Variants in TRA2B observed in about 807,000 individuals in gnomAD.
TRA2B encodes the protein transformer 2 beta homolog, also known as transformer-2 protein homolog beta.
In TRA2B, 14 loss-of-function variants were observed where a neutral mutation model predicts 41.7. That is an observed-to-expected ratio of 0.34 (90% confidence interval 0.22 to 0.53). The LOEUF is 0.53. Among genes scored for constraint, TRA2B ranks in the 20% least tolerant of loss-of-function variants. TRA2B has a pLI of 0.95. For missense variants in TRA2B, 167 were observed against 396.8 expected, an observed-to-expected ratio of 0.42 and a Z score of 4.92; for synonymous variants, 130 against 128.8, an observed-to-expected ratio of 1.01 and a Z score of -0.06.
intron 4 of TRA2B, chr3:185,923,567 T>G (rs1002411456): frequency 2.7e-6 from 1 of 366,110 alleles, no homozygotes; most frequent in Non-Finnish European, 4.9e-6. Context: ...GGAATTGGGG[T>G]ATAGTTGACC....
chr3:185,915,550 T>C lies in TRA2B; in HGVS notation c.*2165A>G, dbSNP rs1743472494. On this transcript the variant is annotated 3_prime_UTR_variant, in exon 9 of 9. Transcript: ENST00000453386. ...TCAAAAGACTACCACTTTGTCTCAC[T>C]ACTTCTCAGTCTATCTCAACTTGGT... Among the ~76,000 whole-genome samples, 1 of 152,214 alleles carries C rather than the reference T, an allele frequency of 6.6e-6. No homozygotes were observed. Among genetic ancestry groups the C allele is most frequent in the Non-Finnish European group, 1.5e-5 (1 of 68,022 alleles).
At chr3:185,920,585 C>T (rs114395274) in intron 6 of TRA2B, among the ~76,000 whole-genome samples, 5,257 of 151,824 alleles carry the variant, frequency 0.035, 281 homozygotes, top group African/African-American at 0.12. Flanking sequence ...TTGAGTCTCT[C>T]GCTCTGTTGC....
At chr3:185,928,449 AGAAAT>A (rs986211632) in intron 1 of TRA2B, 1 of 152,216 alleles carries the variant, frequency 6.6e-6, no homozygotes, top group Non-Finnish European at 1.5e-5. Context: ...TTTAACATCA[AGAAAT>A]GGTTAAAGGA....
At chr3:185,932,918 T>C (rs1744205398) in intron 1 of TRA2B, among the ~76,000 whole-genome samples, 1 of 152,192 alleles carries the variant, frequency 6.6e-6, no homozygotes, top group East Asian at 1.9e-4. Flanking sequence ...AAGACAACCA[T>C]CGTTAATCTG....
intron 1 of TRA2B, among the ~76,000 whole-genome samples, chr3:185,930,857 G>A (rs1744123518): frequency 6.6e-6 from 1 of 152,170 alleles, no homozygotes; most frequent in Non-Finnish European, 1.5e-5. Context: ...TGCCATTACT[G>A]CAATTTGTAT....
At chr3:185,923,572 T>C (rs1743823026) in intron 4 of TRA2B, 1 of 376,942 alleles carries the variant, frequency 2.7e-6, no homozygotes, top group African/African-American at 2.1e-5. Context: ...TGGGGTATAG[T>C]TGACCCCAAT....
At position 185,917,473 on chromosome 3, in the gene TRA2B, C is replaced by T. The variant is rs1743542351; in HGVS notation, c.*242G>A. The T allele has an allele frequency of 2.1e-6, 1 of 465,142 alleles. No homozygotes were observed. Among genetic ancestry groups the T allele is most frequent in the Non-Finnish European group, 3.9e-6 (1 of 258,202 alleles). The allele number at this position is 465,142 out of a possible 1,614,324, so 28.8% of individuals were successfully genotyped here. On this transcript the variant is annotated 3_prime_UTR_variant, in exon 9 of 9. Coordinates refer to ENST00000453386, the MANE Select transcript of TRA2B (RefSeq NM_004593.3). Reference sequence around the variant, plus strand: ...AACTTCTCAGCAGTCAAAATTTAGACTGTAAAAAAATACATGCAAAACATA... The same window carrying T: ...AACTTCTCAGCAGTCAAAATTTAGATTGTAAAAAAATACATGCAAAACATA...
intron 1 of TRA2B, chr3:185,935,112 A>C: frequency 1.0e-6 from 1 of 985,418 alleles, no homozygotes; most frequent in South Asian, 4.7e-5. Flanking sequence ...GCACTTCATC[A>C]ACTTTTTATT....
intron 5 of TRA2B, 72 bp from the exon 6 acceptor site, chr3:185,921,259 C>A: frequency 8.0e-7 from 1 of 1,254,520 alleles, no homozygotes; most frequent in Non-Finnish European, 1.2e-6. Context: ...TACTAGTAGG[C>A]CTTTTCTGAC....
At position 185,916,287 on chromosome 3, in the gene TRA2B, G is replaced by A. The variant is rs1377216070; in HGVS notation, c.*1428C>T. ...AGATCACCTAGGTTCAATTCAGATC[G>A]TGGCATTGCCACTTAAACAGCTATT... On this transcript the variant is annotated 3_prime_UTR_variant, in exon 9 of 9. Transcript: ENST00000453386. 1.3e-5 allele frequency: 2 copies of A among 152,182 alleles called. No individual in the cohort carries two copies. Among genetic ancestry groups the A allele is most frequent in the African/African-American group, 4.8e-5 (2 of 41,442 alleles). 9.4% of individuals were successfully genotyped at this position (152,182 alleles called of 1,614,324 possible). A position where few individuals can be genotyped will look rare whatever the true frequency, so the allele number is the denominator to read the frequency against.
intron 1 of TRA2B, chr3:185,928,245 C>A (rs1490901645): frequency 6.6e-6 from 1 of 152,288 alleles, no homozygotes; most frequent in South Asian, 2.1e-4. Flanking sequence ...AGGTTTAACA[C>A]AGAAGGAAAG....
intron 3 of TRA2B, chr3:185,924,740 AGGTAGAAGCT>A (rs1260058695): frequency 2.6e-5 from 4 of 152,326 alleles, no homozygotes; most frequent in Non-Finnish European, 5.9e-5. Flanking sequence ...TAAGCCTGCA[AGGTAGAAGCT>A]GCAGTAAGCT....
At position 185,925,525 on chromosome 3, in the gene TRA2B, C is replaced by G; in HGVS notation, c.272G>C (p.Arg91Pro). The change falls in exon 3 of 9, where the codon CGT becomes CCT. Residue 91 changes from arginine to proline, a missense_variant. Arg to Pro is a moderately radical substitution (Grantham distance 103, BLOSUM62 -2). Around this residue, in one of 5 missense-constraint regions of TRA2B, gnomAD observed 94 missense variants for 133.4 expected, o/e 0.70. Transcript: ENST00000453386. Reference protein sequence around the residue: ...SRSRSYSRDYRRRHSHSHSPM... With the variant: ...SRSRSYSRDYPRRHSHSHSPM... Reference sequence around the variant, plus strand: ...AGAATGGCTGTGGCTGTGCCGTCTACGATAATCTCGACTGTAAGACCTGCT... The same window carrying G: ...AGAATGGCTGTGGCTGTGCCGTCTAGGATAATCTCGACTGTAAGACCTGCT... 1 of 1,614,172 alleles carries G rather than the reference C, an allele frequency of 6.2e-7. No homozygotes were observed. The highest frequency in any genetic ancestry group is 8.5e-7 in the Non-Finnish European group (1 of 1,180,026).
chr3:185,921,030 T>G lies in TRA2B; in HGVS notation c.722+74A>C, dbSNP rs1432139433. On this transcript the variant is annotated intron_variant, in intron 6 of 8. Transcript: ENST00000453386. ...CTAAAGCAAAGCTTTTAACAAAGGC[T>G]AAAACTTAAGCATAGTGCTGCTCTG... is the stretch of plus-strand genomic sequence containing the variant. 6 of 1,337,378 alleles carry G rather than the reference T, an allele frequency of 4.5e-6. No homozygotes were observed. The African/African-American group carries it at 8.7e-5, about 19-fold the overall frequency. The allele number at this position is 1,337,378 out of a possible 1,614,324, so 82.8% of individuals were successfully genotyped here.
chr3:185,931,910 G>A, intron 1 of TRA2B: 3 of 1,199,128 alleles, frequency 2.5e-6, no homozygotes, highest in South Asian at 2.4e-5. Flanking sequence ...AAAATCCAGT[G>A]CCAAAACTGA....
intron 8 of TRA2B, 146 bp from the exon 9 acceptor site, chr3:185,917,871 TG>T: frequency 1.4e-6 from 1 of 731,316 alleles, no homozygotes; most frequent in Non-Finnish European, 2.3e-6. Flanking sequence ...AAGACTTCCA[TG>T]TAAGTATTAC....
In TRA2B at chr3:185,915,700, C is replaced by A. The variant is rs1473070107; in HGVS notation, c.*2015G>T. Among the ~76,000 whole-genome samples the A allele has an allele frequency of 6.6e-6, 1 of 152,140 alleles. No homozygotes were observed. The highest frequency in any genetic ancestry group is 1.5e-5 in the Non-Finnish European group (1 of 68,024). On this transcript the variant is annotated 3_prime_UTR_variant, in exon 9 of 9. Transcript: ENST00000453386. ...AAACTAGCCTAAAAAAGGAAACTTT[C>A]AATCAGCAGGATAAAGGATGGCTAC...
intron 1 of TRA2B, chr3:185,936,900 A>AC: frequency 1.0e-6 from 1 of 985,266 alleles, no homozygotes; most frequent in Non-Finnish European, 1.2e-6. Flanking sequence ...ATCAACCCTC[A>AC]CTGAACACCT....
intron 6 of TRA2B, among the ~76,000 whole-genome samples, chr3:185,920,752 G>C (rs1465358371): frequency 6.6e-6 from 1 of 152,096 alleles, no homozygotes; most frequent in East Asian, 1.9e-4. Context: ...ATGTTGGCCA[G>C]GCTGGATCTC....
Sources: allele counts gnomAD v4.1 joint callset (sites outside exome capture counted in the v4.1 genomes callset), GRCh38; gene constraint gnomAD v4.1.1; regional missense constraint gnomAD v4.1.1; transcripts MANE v1.5; gene names NCBI Gene and HGNC (gene_info 2026-07-23, HGNC 2026-07-21).